RALGPS1: variants seen among roughly 807,000 people sequenced by gnomAD.
RALGPS1 encodes the protein ras-specific guanine nucleotide-releasing factor RalGPS1.
RALGPS1 carries 19 observed loss-of-function variants against 78.8 expected under a neutral mutation model. That is an observed-to-expected ratio of 0.24 (90% CI 0.17 to 0.35). The LOEUF is 0.35. RALGPS1 is among the 10% of genes least tolerant of loss of function. The pLI is 1.00. For missense variants in RALGPS1, 454 were observed against 688.3 expected (o/e 0.66, Z 3.81); for synonymous variants, 228 against 256.3 (o/e 0.89, Z 1.06).
intron 18 of RALGPS1, chr9:127,216,848 G>C (rs1488912702): frequency 7.0e-7 from 1 of 1,420,434 alleles, no homozygotes; most frequent in Non-Finnish European, 9.3e-7. Context: ...TCCCTCAGTA[G>C]CTCTGAGGGC....
At chr9:126,957,465 C>A (rs1375603376) in intron 1 of RALGPS1, among the ~76,000 whole-genome samples, 1 of 152,178 alleles carries the variant, frequency 6.6e-6, no homozygotes, top group Non-Finnish European at 1.5e-5. Context: ...TAGGCTGGAT[C>A]CACTCAAAGA....
intron 4 of RALGPS1, among the ~76,000 whole-genome samples, chr9:127,024,847 C>T (rs548134437): frequency 2.0e-5 from 3 of 152,252 alleles, no homozygotes; most frequent in East Asian, 1.9e-4. Context: ...CAGTCTTTTG[C>T]GCAGCTGTTT....
At chr9:126,995,030 G>A (rs959884015) in intron 4 of RALGPS1, among the ~76,000 whole-genome samples, 2 of 152,154 alleles carry the variant, frequency 1.3e-5, no homozygotes, top group African/African-American at 4.8e-5. Flanking sequence ...CCTGAAGGAA[G>A]CACTAAACAT....
At chr9:126,967,524 A>G (rs1014498579) in intron 3 of RALGPS1, among the ~76,000 whole-genome samples, 2 of 151,396 alleles carry the variant, frequency 1.3e-5, no homozygotes, top group Admixed American at 1.3e-4. Context: ...ATTACTACCC[A>G]ACATTACATT....
chr9:127,100,384 G>A (rs12352559), intron 8 of RALGPS1, among the ~76,000 whole-genome samples: 12,353 of 152,226 alleles, frequency 0.081, 1,650 homozygotes, highest in African/African-American at 0.28. Flanking sequence ...GACCTCGGGA[G>A]AAACAGACAT....
At chr9:127,026,493 T>C (rs912897670) in intron 4 of RALGPS1, among the ~76,000 whole-genome samples, 1 of 152,244 alleles carries the variant, frequency 6.6e-6, no homozygotes, top group African/African-American at 2.4e-5. Context: ...TGTTGAGTTG[T>C]AACAGTTTAT....
chr9:126,953,815 T>C (rs540773678), intron 1 of RALGPS1, among the ~76,000 whole-genome samples: 4 of 152,296 alleles, frequency 2.6e-5, no homozygotes, highest in African/African-American at 4.8e-5. Flanking sequence ...TGTTGCTATA[T>C]TGTGGTGTTA....
At chr9:127,173,631 T>G (rs2059679014) in intron 10 of RALGPS1, among the ~76,000 whole-genome samples, 1 of 152,190 alleles carries the variant, frequency 6.6e-6, no homozygotes, top group Admixed American at 6.5e-5. Flanking sequence ...AAAAGATATA[T>G]TGAAGGGCCA....
chr9:127,176,353 C>T (rs940526367), intron 11 of RALGPS1, among the ~76,000 whole-genome samples: 5 of 152,168 alleles, frequency 3.3e-5, no homozygotes, highest in Non-Finnish European at 7.4e-5. Flanking sequence ...GAACACCTTC[C>T]CCCTCGGTCA....
chr9:127,173,025 G>C (rs936302110), intron 10 of RALGPS1, among the ~76,000 whole-genome samples: 5 of 152,150 alleles, frequency 3.3e-5, no homozygotes, highest in Non-Finnish European at 7.3e-5. Context: ...ATGTGTGTGA[G>C]GGGGGAAACC....
chr9:126,953,880 G>C (rs936686732), intron 1 of RALGPS1, among the ~76,000 whole-genome samples: 1 of 152,204 alleles, frequency 6.6e-6, no homozygotes, highest in Non-Finnish European at 1.5e-5. Flanking sequence ...CTTATTTGCT[G>C]CTGTGTCCCC....
intron 8 of RALGPS1, among the ~76,000 whole-genome samples, chr9:127,134,008 C>T (rs1434079361): frequency 6.6e-6 from 1 of 151,334 alleles, no homozygotes; most frequent in East Asian, 1.9e-4. Flanking sequence ...GTCCTCGCTC[C>T]CCCCCCCGTG....
chr9:127,092,390 C>T (rs957562365), intron 8 of RALGPS1, among the ~76,000 whole-genome samples: 7 of 152,064 alleles, frequency 4.6e-5, no homozygotes, highest in Non-Finnish European at 1.0e-4. Context: ...TGAGCTGTGA[C>T]GCATGTGTCC....
intron 14 of RALGPS1, among the ~76,000 whole-genome samples, chr9:127,209,503 G>T (rs961540814): frequency 5.3e-5 from 8 of 152,180 alleles, no homozygotes; most frequent in Non-Finnish European, 5.9e-5. Context: ...GCTCAGTATG[G>T]GTGGTGGTGG....
intron 3 of RALGPS1, among the ~76,000 whole-genome samples, chr9:126,971,891 T>C (rs564022216): frequency 4.0e-4 from 61 of 152,306 alleles, no homozygotes; most frequent in African/African-American, 1.4e-3. Flanking sequence ...TCTATGTCCT[T>C]GAGACCAAGA....
chr9:127,010,605 G>C (rs146993213), intron 4 of RALGPS1, among the ~76,000 whole-genome samples: 24 of 152,294 alleles, frequency 1.6e-4, no homozygotes, highest in Admixed American at 3.3e-4. Flanking sequence ...GGCTTTGAGA[G>C]CCCTATCTGC....
chr9:127,038,557 T>A (rs545837220), intron 5 of RALGPS1, among the ~76,000 whole-genome samples: 1 of 152,378 alleles, frequency 6.6e-6, no homozygotes, highest in Admixed American at 6.5e-5. Flanking sequence ...CCCTTTTATA[T>A]GACGCTCATC....
chr9:127,005,953 C>T (rs2043800606), intron 4 of RALGPS1, among the ~76,000 whole-genome samples: 1 of 152,206 alleles, frequency 6.6e-6, no homozygotes, highest in Admixed American at 6.5e-5. Flanking sequence ...TAGTCTTCAG[C>T]AGCAGAAATC....
At chr9:126,991,482 G>C (rs568910513) in intron 4 of RALGPS1, among the ~76,000 whole-genome samples, 1 of 152,132 alleles carries the variant, frequency 6.6e-6, no homozygotes, top group Non-Finnish European at 1.5e-5. Flanking sequence ...AGAGCCTTTG[G>C]TGAACAGCTG....
Sources: gnomAD v4.1 joint callset for allele counts (sites outside exome capture counted in the v4.1 genomes callset) on GRCh38, gnomAD v4.1.1 for gene constraint, MANE v1.5 for transcripts, NCBI Gene and HGNC (gene_info 2026-07-23, HGNC 2026-07-21) for gene names.